CTNNA2: variants seen among roughly 807,000 people sequenced by gnomAD.
The protein encoded by CTNNA2 is catenin alpha-2.
Under a neutral mutation model 101.0 loss-of-function variants are expected in CTNNA2, and 42 were observed. The observed-to-expected ratio is 0.42, with a 90% confidence interval of 0.32 to 0.54. CTNNA2 has a LOEUF of 0.54. Among genes scored for constraint, CTNNA2 ranks in the 20% least tolerant of loss-of-function variants. The pLI, the probability that CTNNA2 is intolerant of heterozygous loss-of-function variation, is 0.14. For missense variants in CTNNA2, 871 were observed against 1,223.1 expected, an observed-to-expected ratio of 0.71 and a Z score of 4.29; for synonymous variants, 450 against 456.4, an observed-to-expected ratio of 0.99 and a Z score of 0.18.
At chr2:79,873,737 A>G (rs1364533497) in intron 5 of CTNNA2, among the ~76,000 whole-genome samples, 6 of 145,748 alleles carry the variant, frequency 4.1e-5, no homozygotes, top group Admixed American at 2.1e-4. Context: ...CACTTCCACA[A>G]CTTTTTTTTT....
chr2:79,541,114 C>A (rs1219173199), intron 1 of CTNNA2, among the ~76,000 whole-genome samples: 1 of 151,856 alleles, frequency 6.6e-6, no homozygotes, highest in Non-Finnish European at 1.5e-5. Flanking sequence ...CTGTGCTTAT[C>A]CCTATGTGTC....
Position 80,320,143 on chromosome 2 carries a change from A to T in CTNNA2, c.1057-73068A>T, listed in dbSNP as rs571015475. ...ACCTAAATTTCTTCATCTAAAAAAC[A>T]GGATTAATAGTCTTGCCTCATAGCA... is the stretch of plus-strand genomic sequence containing the variant. On this transcript the variant is annotated intron_variant, in intron 7 of 18. Transcript: ENST00000402739. 2.0e-5 allele frequency among the ~76,000 whole-genome samples: 3 copies of T among 152,370 alleles called. No homozygotes were observed. The East Asian group carries it at 5.8e-4, about 29-fold the overall frequency.
chr2:79,750,732 G>T (rs1167919399), intron 3 of CTNNA2, among the ~76,000 whole-genome samples: 1 of 152,028 alleles, frequency 6.6e-6, no homozygotes, highest in Non-Finnish European at 1.5e-5. Context: ...ACAACCAGGG[G>T]TTGTGGCAGG....
intron 1 of CTNNA2, among the ~76,000 whole-genome samples, chr2:79,570,740 G>T (rs1399483037): frequency 6.6e-6 from 1 of 152,092 alleles, no homozygotes; most frequent in Non-Finnish European, 1.5e-5. Flanking sequence ...AAAGAAAACA[G>T]ATTCAGAGAT....
At chr2:79,224,137 A>G (rs1169019923) in intron 2 of CTNNA2, among the ~76,000 whole-genome samples, 1 of 152,206 alleles carries the variant, frequency 6.6e-6, no homozygotes, top group African/African-American at 2.4e-5. Flanking sequence ...TAAGACATAC[A>G]AATATAAATA....
At chr2:79,413,510 T>C (rs55673720) in intron 4 of CTNNA2, among the ~76,000 whole-genome samples, 44,179 of 151,960 alleles carry the variant, frequency 0.29, 6,803 homozygotes, top group Middle Eastern at 0.39. Flanking sequence ...CTTTGAATAG[T>C]GCTGCAATAA....
chr2:79,490,619 C>A (rs1250764928), intron 4 of CTNNA2, among the ~76,000 whole-genome samples: 1 of 152,068 alleles, frequency 6.6e-6, no homozygotes, highest in Non-Finnish European at 1.5e-5. Flanking sequence ...AGAGTTATTA[C>A]AACTGAATAC....
At chr2:79,725,167 C>T (rs1396502662) in intron 2 of CTNNA2, among the ~76,000 whole-genome samples, 1 of 152,114 alleles carries the variant, frequency 6.6e-6, no homozygotes, top group Admixed American at 6.5e-5. Flanking sequence ...ACTCATTCTA[C>T]CTGAGTTTAT....
chr2:79,543,170 T>C (rs1318897339), intron 1 of CTNNA2, among the ~76,000 whole-genome samples: 3 of 152,136 alleles, frequency 2.0e-5, no homozygotes, highest in African/African-American at 7.2e-5. Context: ...GATATATACT[T>C]TTACTATTTC....
intron 7 of CTNNA2, among the ~76,000 whole-genome samples, chr2:79,915,379 G>A (rs1338883278): frequency 6.6e-6 from 1 of 151,768 alleles, no homozygotes; most frequent in Non-Finnish European, 1.5e-5. Context: ...TGTAAATGCT[G>A]TTTTGCAATC....
At chr2:80,599,357 A>C (rs541602547) in intron 15 of CTNNA2, among the ~76,000 whole-genome samples, 1 of 152,182 alleles carries the variant, frequency 6.6e-6, no homozygotes, top group African/African-American at 2.4e-5. Flanking sequence ...TCCACTTGAA[A>C]CCTATGCGAT....
chr2:79,739,554 CT>C (rs1398348807), intron 2 of CTNNA2, among the ~76,000 whole-genome samples: 1 of 152,084 alleles, frequency 6.6e-6, no homozygotes, highest in African/African-American at 2.4e-5. Context: ...TGATATTTGC[CT>C]TTTTTAAAAT....
intron 7 of CTNNA2, among the ~76,000 whole-genome samples, chr2:80,197,841 T>G (rs1706932656): frequency 6.6e-6 from 1 of 152,194 alleles, no homozygotes; most frequent in East Asian, 1.9e-4. Flanking sequence ...AGATGTTTGT[T>G]TGGTTAGGCA....
intron 9 of CTNNA2, among the ~76,000 whole-genome samples, chr2:80,472,195 A>G (rs1461098017): frequency 2.6e-5 from 4 of 151,802 alleles, no homozygotes; most frequent in Non-Finnish European, 5.9e-5. Context: ...GCTTGCAGGG[A>G]GGCAAATGGA....
chr2:80,115,350 A>G (rs1427534949), intron 7 of CTNNA2, among the ~76,000 whole-genome samples: 1 of 152,184 alleles, frequency 6.6e-6, no homozygotes, highest in Non-Finnish European at 1.5e-5. Context: ...TACACTTATG[A>G]TAATTGGTTG....
chr2:79,699,865 A>T (rs2104749894), intron 2 of CTNNA2, among the ~76,000 whole-genome samples: 1 of 148,068 alleles, frequency 6.8e-6, no homozygotes, highest in South Asian at 2.1e-4. Flanking sequence ...TTATATACAT[A>T]TGTGTGTATA....
intron 3 of CTNNA2, among the ~76,000 whole-genome samples, chr2:79,324,292 G>C (rs1323531242): frequency 6.6e-6 from 1 of 152,182 alleles, no homozygotes; most frequent in Non-Finnish European, 1.5e-5. Flanking sequence ...CAAGCAGGGT[G>C]TGGTTAGGTT....
chr2:79,305,306 A>T (rs937722150), intron 2 of CTNNA2, among the ~76,000 whole-genome samples: 2 of 148,948 alleles, frequency 1.3e-5, no homozygotes, highest in African/African-American at 4.9e-5. Context: ...ATATATATAC[A>T]TATATATACA....
intron 7 of CTNNA2, among the ~76,000 whole-genome samples, chr2:79,929,917 A>T (rs1687273786): frequency 6.6e-6 from 1 of 152,072 alleles, no homozygotes; most frequent in African/African-American, 2.4e-5. Flanking sequence ...AAAGATGAGG[A>T]TAGTTCTTCC....
Sources: gnomAD v4.1 joint callset for allele counts (sites outside exome capture counted in the v4.1 genomes callset) on GRCh38, gnomAD v4.1.1 for gene constraint, MANE v1.5 for transcripts, NCBI Gene and HGNC (gene_info 2026-07-23, HGNC 2026-07-21) for gene names.